The following RIF1 variants were observed in gnomAD, a reference collection of about 807,000 sequenced individuals.
RIF1 encodes telomere-associated protein RIF1.
Under a neutral mutation model 247.1 loss-of-function variants are expected in RIF1, and 45 were observed. The ratio of observed to expected loss-of-function variants is 0.18; its 90% CI spans 0.14 to 0.23. RIF1 has a LOEUF of 0.23. Ranked by LOEUF, RIF1 falls within the 10% of genes least tolerant of loss-of-function variation. The probability of loss-of-function intolerance (pLI) is 1.00; values close to 1 mark genes in which losing one functional copy is unlikely to be tolerated. For synonymous variants in RIF1, 1,087 were observed against 978.8 expected, an observed-to-expected ratio of 1.11 and a Z score of -2.06; for missense variants, 2,967 against 2,862.5, an observed-to-expected ratio of 1.04 and a Z score of -0.83.
chr2:151,472,105 C>G (rs2048581496), intron 34 of RIF1, among the ~76,000 whole-genome samples: 2 of 152,040 alleles, frequency 1.3e-5, no homozygotes. Flanking sequence ...AAGTTGGATT[C>G]CTAGGTATTT....
At chr2:151,429,381 A>G (rs893768211) in intron 9 of RIF1, among the ~76,000 whole-genome samples, 1 of 152,102 alleles carries the variant, frequency 6.6e-6, no homozygotes, top group African/African-American at 2.4e-5. Context: ...GGGTTTCACT[A>G]TGTTGGCCAG....
chr2:151,518,301 G>A, the RIF1 span: 14 of 1,536,564 alleles, frequency 9.1e-6, no homozygotes, highest in South Asian at 4.5e-5. Flanking sequence ...AGGAAAAATC[G>A]GTCTTGATCC....
the RIF1 span, chr2:151,530,808 G>C: frequency 1.9e-6 from 1 of 515,830 alleles, no homozygotes; most frequent in African/African-American, 1.9e-5. Context: ...GCAACATGGG[G>C]AGCAGGACTG....
At chr2:151,516,171 T>C in the RIF1 span, among the ~76,000 whole-genome samples, 7 of 152,306 alleles carry the variant, frequency 4.6e-5, no homozygotes, top group African/African-American at 1.7e-4. Flanking sequence ...TAAAGGAAAA[T>C]CCAAATTACA....
intron 6 of RIF1, among the ~76,000 whole-genome samples, chr2:151,418,744 C>T (rs547324665): frequency 6.6e-6 from 1 of 151,892 alleles, no homozygotes; most frequent in Non-Finnish European, 1.5e-5. Flanking sequence ...CGTGGTGACG[C>T]GTGCCTGTAA....
At chr2:151,487,231 TAA>T (rs1365036069) in intron 9 of RIF1, among the ~76,000 whole-genome samples, 10 of 152,210 alleles carry the variant, frequency 6.6e-5, no homozygotes. Context: ...ATACGAGTAG[TAA>T]AAGTTTCTCA....
the RIF1 span, chr2:151,530,876 A>G: frequency 1.5e-6 from 1 of 646,890 alleles, no homozygotes; most frequent in Non-Finnish European, 2.7e-6. Context: ...CTATTATTTT[A>G]AGCCACTAAG....
At chr2:151,499,123 A>G (rs1179342284) in intron 10 of RIF1, among the ~76,000 whole-genome samples, 1 of 152,190 alleles carries the variant, frequency 6.6e-6, no homozygotes. Context: ...AAATGATTAT[A>G]TTAATGTTTT....
rs2048941332 is a variant in RIF1, at chr2:151,476,596, CAT to C, written c.*1527_*1528del. The C allele has an allele frequency of 6.6e-6, 1 of 152,108 alleles. No individual in the cohort carries two copies. Among genetic ancestry groups the C allele is most frequent in the Non-Finnish European group, 1.5e-5 (1 of 68,030 alleles). 9.4% of individuals were successfully genotyped at this position (152,108 alleles called of 1,614,324 possible). On this transcript the variant is annotated 3_prime_UTR_variant, in exon 36 of 36. Coordinates refer to ENST00000444746, the MANE Select transcript of RIF1 (RefSeq NM_018151.5). The stretch of plus-strand genomic sequence containing the variant: ...AAAAGTTGGTGTCTTTTTTCATCAT[CAT>C]AAATTCATCATAATCACAGATATTT...
At chr2:151,431,712 A>G (rs942112062) in intron 9 of RIF1, among the ~76,000 whole-genome samples, 1 of 152,118 alleles carries the variant, frequency 6.6e-6, no homozygotes, top group Non-Finnish European at 1.5e-5. Context: ...CGGGAGGAGG[A>G]GGCTGCAGTG....
chr2:151,426,062 G>T (rs1244055543), intron 8 of RIF1, among the ~76,000 whole-genome samples: 3 of 151,460 alleles, frequency 2.0e-5, no homozygotes, highest in African/African-American at 7.3e-5. Flanking sequence ...GGTCTGTATG[G>T]CTGTCCTTAT....
intron 9 of RIF1, among the ~76,000 whole-genome samples, chr2:151,431,375 A>G (rs1690098431): frequency 6.6e-6 from 1 of 152,246 alleles, no homozygotes; most frequent in Non-Finnish European, 1.5e-5. Flanking sequence ...TAGAAAAAGT[A>G]GTCAAAAATT....
chr2:151,529,237 G>A, the RIF1 span: 1 of 1,613,016 alleles, frequency 6.2e-7, no homozygotes, highest in Middle Eastern at 1.7e-4. Flanking sequence ...AGGCGTCCTT[G>A]GCTGCTTTGA....
At chr2:151,499,016 A>G (rs536400042) in intron 10 of RIF1, among the ~76,000 whole-genome samples, 37 of 131,592 alleles carry the variant, frequency 2.8e-4, no homozygotes, top group Non-Finnish European at 5.0e-4. Context: ...GTTCAGATCA[A>G]ATTTGCCAAA....
At position 151,490,413 on chromosome 2, in the gene RIF1, A is replaced by G. The variant is rs370819880; in HGVS notation, c.*416-4816A>G. 1.1e-5 allele frequency: 17 copies of G among 1,598,458 alleles called. No individual in the cohort carries two copies. The highest frequency in any genetic ancestry group is 1.5e-5 in the Non-Finnish European group (17 of 1,172,094). ...GACACCCCCGTCGCTGTAAGTCGAAAGGTGGTGGTCTGGTGCTTCTGAATG... is the reference window on the plus strand; with the variant it reads ...GACACCCCCGTCGCTGTAAGTCGAAGGGTGGTGGTCTGGTGCTTCTGAATG... On this transcript the variant is annotated intron_variant and NMD_transcript_variant, in intron 9 of 13. Coordinates refer to the RIF1 transcript ENST00000454583.
chr2:151,464,581 C>G lies in RIF1; in HGVS notation c.5061C>G (p.Asp1687Glu). The G allele has an allele frequency of 6.2e-7, 1 of 1,613,440 alleles. No homozygotes were observed. The highest frequency in any genetic ancestry group is 8.5e-7 in the Non-Finnish European group (1 of 1,179,582). ...RNAIKRLHKR[D>E]SFDNCSLGES... is the part of the protein sequence containing the mutation. ...CCATTAAGAGATTACATAAGCGAGA[C>G]TCTTTTGATAATTGTAGTTTGGGAG... Residue 1687 changes from aspartate to glutamate, a missense_variant, in exon 30 of 36, where the codon GAC (aspartate) becomes GAG (glutamate). By Grantham distance (45) the Asp-to-Glu change is conservative. Around this residue, in one of 7 missense-constraint regions of RIF1, gnomAD observed 2,028 missense variants for 1,825.6 expected, o/e 1.11. Coordinates refer to ENST00000444746, the MANE Select transcript of RIF1 (RefSeq NM_018151.5).
At position 151,463,989 on chromosome 2, in the gene RIF1, T is replaced by C. The variant is rs763811647; in HGVS notation, c.4469T>C (p.Leu1490Pro). ...GGAAGTAATTTACATGAGAAGACTC[T>C]TGGGGAAACTAGTGCTAATGCAGAA... ...EKGSNLHEKT[L>P]GETSANAETE... Residue 1490 changes from leucine to proline, a missense_variant, in exon 30 of 36, where the codon CTT becomes CCT. By Grantham distance (98) the Leu-to-Pro change is moderately conservative. Transcript: ENST00000444746. The C allele has an allele frequency of 3.7e-6, 6 of 1,608,576 alleles. No homozygotes were observed. In the African/African-American group the frequency reaches 6.7e-5, roughly 18 times the overall value.
intron 11 of RIF1, among the ~76,000 whole-genome samples, chr2:151,501,634 TC>T (rs2064658263): frequency 6.6e-6 from 1 of 152,150 alleles, no homozygotes; most frequent in Non-Finnish European, 1.5e-5. Context: ...TAACTATAGA[TC>T]CCCTTTGGAC....
chr2:151,525,241 T>TC, the RIF1 span: 1 of 1,613,874 alleles, frequency 6.2e-7, no homozygotes, highest in Non-Finnish European at 8.5e-7. Flanking sequence ...TGGATTTTCC[T>TC]TTCTCCTTGA....
Sources: gnomAD v4.1 joint callset for allele counts (sites outside exome capture counted in the v4.1 genomes callset) on GRCh38, gnomAD v4.1.1 for gene constraint, gnomAD v4.1.1 regional missense constraint, MANE v1.5 for transcripts, NCBI Gene and HGNC (gene_info 2026-07-23, HGNC 2026-07-21) for gene names.